Variants in KNDC1 observed in about 807,000 individuals in gnomAD.
KNDC1 encodes kinase non-catalytic C-lobe domain-containing protein 1.
A neutral mutation model predicts 172.8 loss-of-function variants in KNDC1; 106 were observed. The observed-to-expected ratio is 0.61, with a 90% CI of 0.52 to 0.72. The LOEUF is 0.72. KNDC1 is among the 30% of genes least tolerant of loss of function. KNDC1 has a pLI of 0.00. For missense variants in KNDC1, 2,325 were observed against 2,394.5 expected (o/e 0.97, Z 0.61); for synonymous variants, 1,083 against 1,062.2 (o/e 1.02, Z -0.38).
At chr10:133,173,103 G>A (rs983026428) in intron 3 of KNDC1, among the ~76,000 whole-genome samples, 1 of 152,210 alleles carries the variant, frequency 6.6e-6, no homozygotes, top group Non-Finnish European at 1.5e-5. Context: ...AGCTGCAGGT[G>A]CTCTCCTCTT....
At chr10:133,207,428 G>T in intron 20 of KNDC1, 77 bp downstream of exon 20, 5 of 1,336,888 alleles carry the variant, frequency 3.7e-6, no homozygotes, top group Admixed American at 1.9e-5. Context: ...ACGTGCCCTC[G>T]CCAGTCAGCT....
rs748721247 is a variant in KNDC1, at chr10:133,224,725, C to A, written c.5085C>A (p.Asp1695Glu). 5 of 1,614,102 alleles carry A rather than the reference C, an allele frequency of 3.1e-6. No individual in the cohort carries two copies. The Admixed American group carries it at 8.3e-5, about 27-fold the overall frequency. The change falls in exon 30 of 30, where the codon GAC becomes GAA. Residue 1695 changes from aspartate (D) to glutamate (E), a missense_variant. Asp to Glu is a conservative substitution (Grantham distance 45, BLOSUM62 2). Transcript: ENST00000304613. This position sits in a 1 kb window ranked among gnomAD's most constrained non-coding sequence, Gnocchi z 5.4. ...FQENPYTFSP[D>E]PKLQSYLKQR... ...AGAACCCTTACACCTTCAGCCCCGA[C>A]CCCAAGCTCCAGTCGTACCTCAAGC...
chr10:133,207,292 G>A lies in KNDC1; in HGVS notation c.3735G>A (p.Gln1245=), dbSNP rs757488436. The change falls in exon 20 of 30, where the codon CAG becomes CAA. Residue 1245 remains glutamine (Q), a synonymous_variant. Transcript: ENST00000304613. ...YNVNKHPGGR[Q]KARILQAGTP... ...TCAACAAGCACCCGGGCGGCCGGCA[G>A]AAGGCCCGCATCCTGCAGGCCGGCA... The A allele has an allele frequency of 6.2e-7, 1 of 1,612,890 alleles. No individual in the cohort carries two copies. Among genetic ancestry groups the A allele is most frequent in the South Asian group, 1.1e-5 (1 of 91,092 alleles).
rs755142394 is a variant in KNDC1 at position 133,224,795 on chromosome 10, G to A, written c.5155G>A (p.Ala1719Thr). Residue 1719 changes from alanine to threonine, a missense_variant, in exon 30 of 30, where the codon GCA (alanine) becomes ACA (threonine). Physicochemically the swap from Ala to Thr is moderately conservative, Grantham distance 58 (BLOSUM62 0). Transcript: ENST00000304613. This position sits in a 1 kb window ranked among gnomAD's most constrained non-coding sequence, Gnocchi z 5.4. ...CGGTGCCGACATTTCCACACTCGCC[G>A]CAGATAGCAGGGCCAACTTCCACCA... The part of the protein sequence containing the change: ...FSGADISTLA[A>T]DSRANFHQVS... The A allele has an allele frequency of 1.8e-5, 29 of 1,613,970 alleles. No individual in the cohort carries two copies. The highest frequency in any genetic ancestry group is 9.3e-5 in the African/African-American group (7 of 74,920).
Position 133,198,467 on chromosome 10 carries a change from C to T in KNDC1, c.2037C>T (p.Pro679=). Residue 679 remains proline (P), a synonymous_variant, in exon 13 of 30, where the codon CCC becomes CCT. Coordinates refer to ENST00000304613, the MANE Select transcript of KNDC1 (RefSeq NM_152643.8). ...CCTCCGAGGCCACGCACTTCAAGCC[C>T]ATTGTCCTCGCGCAGAACGCAAGTG... ...AFTSEATHFK[P]IVLAQNASVA... 6.2e-7 allele frequency: 1 copy of T among 1,607,116 alleles called. No homozygotes were observed. The highest frequency in any genetic ancestry group is 8.5e-7 in the Non-Finnish European group (1 of 1,177,112).
At position 133,197,916 on chromosome 10, in the gene KNDC1, C is replaced by T. The variant is rs896330309; in HGVS notation, c.1906+148C>T. 49 of 700,788 alleles carry T rather than the reference C, an allele frequency of 7.0e-5. No individual in the cohort carries two copies. In the African/African-American group the frequency reaches 7.3e-4, roughly 10 times the overall value. The allele number at this position is 700,788 out of a possible 1,614,324, so 43.4% of individuals were successfully genotyped here. ...GCTCGGCCAACGTGGCCCATGCAGC[C>T]CAGCCTGCCTGCCCCTGCCAGCCCC... On this transcript the variant is annotated intron_variant, in intron 12 of 29. Coordinates refer to ENST00000304613, the MANE Select transcript of KNDC1 (RefSeq NM_152643.8).
intron 19 of KNDC1, 42 bp from the exon 20 acceptor site, chr10:133,207,095 C>T (rs777033622): frequency 7.6e-5 from 118 of 1,547,772 alleles, no homozygotes; most frequent in Middle Eastern, 1.7e-4. Flanking sequence ...AGCCCTGGGG[C>T]GAGGGGCAGA....
At chr10:133,177,583 T>A (rs1853579931) in intron 3 of KNDC1, among the ~76,000 whole-genome samples, 1 of 151,582 alleles carries the variant, frequency 6.6e-6, no homozygotes, top group East Asian at 1.9e-4. Context: ...ATGTGGTGTG[T>A]GTATCGGGCA....
At position 133,215,398 on chromosome 10, in the gene KNDC1, G is replaced by A. The variant is rs565790630; in HGVS notation, c.4677+1276G>A. Among the ~76,000 whole-genome samples the A allele has an allele frequency of 2.2e-3, 339 of 152,292 alleles. 2 individuals are homozygous for A. The highest frequency in any genetic ancestry group is 2.5e-3 in the Admixed American group (39 of 15,308). ...CCAAGCCCGCAGGCAACCCCGGGCC[G>A]TAAACGAAGGCAGAGGCACCGCCTT... is the stretch of plus-strand genomic sequence containing the variant. On this transcript the variant is annotated intron_variant, in intron 26 of 29. Coordinates refer to ENST00000304613, the MANE Select transcript of KNDC1 (RefSeq NM_152643.8).
rs1400302526 is a variant in KNDC1 at position 133,186,252 on chromosome 10, C to T, written c.904C>T (p.Leu302=). 1 of 1,600,534 alleles carries T rather than the reference C, an allele frequency of 6.2e-7. No individual in the cohort carries two copies. Among genetic ancestry groups the T allele is most frequent in the Non-Finnish European group, 8.5e-7 (1 of 1,174,332 alleles). Residue 302 remains leucine (L), a synonymous_variant, in exon 6 of 30, where the codon CTG becomes TTG. Coordinates refer to ENST00000304613, the MANE Select transcript of KNDC1 (RefSeq NM_152643.8). ...CAGAGACGCCCTCAGGAGAAGCCGC[C>T]TGCGGAAGGTGCAGACGTTCCCTAG... ...LDRDALRRSR[L]RKVQTFPRLL... is the part of the protein sequence containing the mutation.
Position 133,212,739 on chromosome 10 carries a change from A to G in KNDC1, c.4260A>G (p.Arg1420=). Residue 1420 remains arginine, a synonymous_variant, in exon 24 of 30, where the codon CGA becomes CGG. Transcript: ENST00000304613. Reference sequence around the variant, plus strand: ...AGAGCTTCCCCTGGAGGCTGCCCCGAGGCAACGGGCTGGTGCTGCCGCCAC... The same window carrying G: ...AGAGCTTCCCCTGGAGGCTGCCCCGGGGCAACGGGCTGGTGCTGCCGCCAC... ...SRKSFPWRLP[R]GNGLVLPPHK... 1 of 1,613,286 alleles carries G rather than the reference A, an allele frequency of 6.2e-7. No homozygotes were observed. The highest frequency in any genetic ancestry group is 8.5e-7 in the Non-Finnish European group (1 of 1,179,774).
At chr10:133,166,612 T>C (rs568238023) in intron 1 of KNDC1, among the ~76,000 whole-genome samples, 1 of 152,138 alleles carries the variant, frequency 6.6e-6, no homozygotes, top group Non-Finnish European at 1.5e-5. Context: ...TGCACACACC[T>C]TGCACCAGCG....
At position 133,199,298 on chromosome 10, in the gene KNDC1, G is replaced by C. The variant is rs775486280; in HGVS notation, c.2758+32G>C. 9 of 1,540,488 alleles carry C rather than the reference G, an allele frequency of 5.8e-6. No individual in the cohort carries two copies. The African/African-American group carries it at 1.1e-4, about 19-fold the overall frequency. The stretch of plus-strand genomic sequence containing the variant: ...GGGGGCCGCAGACGCCCCAGAGGAG[G>C]CCCGGGCCAGGGAGAGCCCCACAGG... On this transcript the variant is annotated intron_variant, in intron 14 of 29. Transcript: ENST00000304613.
At chr10:133,184,092 AC>A (rs1853808341) in intron 5 of KNDC1, 103 bp downstream of exon 5, 1 of 609,626 alleles carries the variant, frequency 1.6e-6, no homozygotes, top group East Asian at 2.8e-5. Flanking sequence ...ACACACACAC[AC>A]TGCACACACA....
In KNDC1 at chr10:133,162,366, C is replaced by CGGCCA. The variant is rs1853005997; in HGVS notation, c.102+1797_102+1798insGGCCA. Among the ~76,000 whole-genome samples, 4 of 152,204 alleles carry CGGCCA rather than the reference C, an allele frequency of 2.6e-5. No homozygotes were observed. In the South Asian group the frequency reaches 8.3e-4, roughly 31 times the overall value. The stretch of plus-strand genomic sequence containing the variant: ...GGGCACGGTGAGGTTGCATCATCAT[C>CGGCCA]CCAGAATGCCGGAAGGCCAAGGGTG... On this transcript the variant is annotated intron_variant, in intron 1 of 29. Transcript: ENST00000304613.
In KNDC1 at chr10:133,213,977, G is replaced by C. The variant is rs1211866114; in HGVS notation, c.4532G>C (p.Ser1511Thr). Residue 1511 changes from serine (S) to threonine (T), a missense_variant, in exon 26 of 30, where the codon AGC becomes ACC. Transcript: ENST00000304613. Reference sequence around the variant, plus strand: ...GGACCATATTTCTCTTCCAGAGCCAGCTCTTCTGAGTCTCTTTCGGCCAAA... The same window carrying C: ...GGACCATATTTCTCTTCCAGAGCCACCTCTTCTGAGTCTCTTTCGGCCAAA... ...MDKSTAIPKA[S>T]SSESLSAKTC... 1.2e-6 allele frequency: 2 copies of C among 1,614,172 alleles called. No homozygotes were observed. The highest frequency in any genetic ancestry group is 3.3e-5 in the Admixed American group (2 of 60,026).
intron 17 of KNDC1, chr10:133,202,796 G>A: frequency 2.6e-6 from 1 of 388,884 alleles, no homozygotes; most frequent in African/African-American, 2.1e-5. Flanking sequence ...TTCAGCTTCT[G>A]GGCCACGTGA....
At chr10:133,189,506 C>G in intron 7 of KNDC1, 92 bp from the exon 8 acceptor site, 1 of 1,251,866 alleles carries the variant, frequency 8.0e-7, no homozygotes, top group South Asian at 1.3e-5. Flanking sequence ...GGGGGCTGCC[C>G]GGCCTGACTG....
At chr10:133,204,604 G>C (rs889218639) in intron 17 of KNDC1, among the ~76,000 whole-genome samples, 26 of 152,218 alleles carry the variant, frequency 1.7e-4, no homozygotes, top group African/African-American at 6.3e-4. Context: ...CAGGGACCCC[G>C]TCTCCATGGA....
Sources: gnomAD v4.1 joint callset for allele counts (sites outside exome capture counted in the v4.1 genomes callset) on GRCh38, gnomAD v4.1.1 for gene constraint, Gnocchi (gnomAD v3.1) non-coding constraint, MANE v1.5 for transcripts, NCBI Gene and HGNC (gene_info 2026-07-23, HGNC 2026-07-21) for gene names.